The following MAP2K5 variants were observed in gnomAD, a reference collection of about 807,000 sequenced individuals.
MAP2K5 encodes the protein mitogen-activated protein kinase kinase 5.
Under a neutral mutation model 83.1 loss-of-function variants are expected in MAP2K5, and 49 were observed. That is an observed-to-expected ratio of 0.59 (90% CI 0.47 to 0.75). The LOEUF (loss-of-function observed/expected upper bound fraction) is 0.75. Ranked by LOEUF, MAP2K5 falls within the 30% of genes least tolerant of loss-of-function variation. MAP2K5 has a pLI of 0.00. For synonymous variants in MAP2K5, 202 were observed against 191.8 expected (o/e 1.05, Z -0.44); for missense variants, 457 against 557.5 (o/e 0.82, Z 1.82).
chr15:67,770,384 C>T lies in MAP2K5; in HGVS notation c.1196+721C>T, dbSNP rs1404542584. ...ATCATTCCCCTCTTCCCTCGTCCTG[C>T]AGGACTCATGTGGCCTTGGGAGGCC... On this transcript the variant is annotated intron_variant, in intron 20 of 21. Transcript: ENST00000178640. The surrounding 1 kb of genome is among the most constrained non-coding windows in gnomAD (Gnocchi z 5.0). Among the ~76,000 whole-genome samples, 2 of 152,210 alleles carry T rather than the reference C, an allele frequency of 1.3e-5. No individual in the cohort carries two copies. The highest frequency in any genetic ancestry group is 2.9e-5 in the Non-Finnish European group (2 of 68,044).
intron 8 of MAP2K5, chr15:67,628,499 A>T: frequency 1.4e-6 from 1 of 695,420 alleles, no homozygotes; most frequent in Non-Finnish European, 2.4e-6. Flanking sequence ...AAAAATAAAA[A>T]ATAAAAAAAA....
intron 4 of MAP2K5, among the ~76,000 whole-genome samples, chr15:67,585,093 A>AAT (rs1314833912): frequency 1.3e-5 from 2 of 151,738 alleles, no homozygotes; most frequent in Non-Finnish European, 2.9e-5. Flanking sequence ...AAAAAAAAAA[A>AAT]AATCAAATTA....
Position 67,543,345 on chromosome 15 carries a change from C to G in MAP2K5, c.10C>G (p.Leu4Val), listed in dbSNP as rs142550156. The G allele has an allele frequency of 6.2e-7, 1 of 1,614,224 alleles. No individual in the cohort carries two copies. The highest frequency in any genetic ancestry group is 1.1e-5 in the South Asian group (1 of 91,086). ...GCCTCTTTAACCTGTAATGCTGTGGCTAGCCCTTGGCCCCTTTCCTGCCAT... is the reference window on the plus strand; with the variant it reads ...GCCTCTTTAACCTGTAATGCTGTGGGTAGCCCTTGGCCCCTTTCCTGCCAT... The part of the protein sequence containing the change: MLW[L>V]ALGPFPAMEN... The change falls in exon 1 of 22, where the codon CTA (leucine) becomes GTA (valine). Residue 4 changes from leucine (L) to valine (V), a missense_variant. Leu to Val is a conservative substitution (Grantham distance 32, BLOSUM62 1). Around this residue, in one of 3 missense-constraint regions of MAP2K5, gnomAD observed 234 missense variants for 243.6 expected, o/e 0.96. Coordinates refer to ENST00000178640, the MANE Select transcript of MAP2K5 (RefSeq NM_145160.3). This position sits in a 1 kb window ranked among gnomAD's most constrained non-coding sequence, Gnocchi z 4.3.
rs1268750997 is a variant in MAP2K5 at position 67,676,239 on chromosome 15, T to C, written c.847+11594T>C. Among the ~76,000 whole-genome samples the C allele has an allele frequency of 6.6e-6, 1 of 152,176 alleles. No homozygotes were observed. Among genetic ancestry groups the C allele is most frequent in the Admixed American group, 6.5e-5 (1 of 15,276 alleles). ...CAGAGGGAGAGAGAGAGCACCTGTA[T>C]GATGAATGACAGGGTCATTTCTGTT... On this transcript the variant is annotated intron_variant, in intron 13 of 21. Coordinates refer to ENST00000178640, the MANE Select transcript of MAP2K5 (RefSeq NM_145160.3). This position sits in a 1 kb window ranked among gnomAD's most constrained non-coding sequence, Gnocchi z 4.8.
intron 15 of MAP2K5, among the ~76,000 whole-genome samples, chr15:67,695,917 A>G (rs1459854424): frequency 1.3e-5 from 2 of 152,200 alleles, no homozygotes; most frequent in Non-Finnish European, 2.9e-5. Flanking sequence ...TTCAAGCTAT[A>G]AAAAGCATAA....
Position 67,638,857 on chromosome 15 carries a change from C to G in MAP2K5, c.586-7374C>G, listed in dbSNP as rs187204193. 6.8e-4 allele frequency among the ~76,000 whole-genome samples: 104 copies of G among 152,208 alleles called. No homozygotes were observed. Among genetic ancestry groups the G allele is most frequent in the African/African-American group, 2.5e-3 (103 of 41,538 alleles). On this transcript the variant is annotated intron_variant, in intron 9 of 21. Transcript: ENST00000178640. The surrounding 1 kb of genome is among the most constrained non-coding windows in gnomAD (Gnocchi z 4.5). ...AGCGTTTTTCCATAGGATTGTTGGC[C>G]TCGTGTATATCTTCTTTTGAGAAGT...
intron 1 of MAP2K5, chr15:67,549,247 T>C: frequency 6.8e-7 from 1 of 1,465,582 alleles, no homozygotes; most frequent in South Asian, 1.2e-5. Context: ...TGTCTCAGTA[T>C]ACTAATTTTC....
chr15:67,671,835 CCA>C (rs1567350861), intron 13 of MAP2K5, among the ~76,000 whole-genome samples: 3 of 130,594 alleles, frequency 2.3e-5, no homozygotes, highest in African/African-American at 8.7e-5. Flanking sequence ...ACAACAGTCC[CCA>C]GAGTGTGATG....
At chr15:67,667,664 G>T (rs1314978972) in intron 13 of MAP2K5, among the ~76,000 whole-genome samples, 4 of 151,604 alleles carry the variant, frequency 2.6e-5, no homozygotes, top group Non-Finnish European at 5.9e-5. Flanking sequence ...AAAAAAAAAA[G>T]AAATTGCTTT....
intron 1 of MAP2K5, among the ~76,000 whole-genome samples, chr15:67,544,170 GGT>G (rs2084349621): frequency 6.6e-6 from 1 of 152,218 alleles, no homozygotes; most frequent in Non-Finnish European, 1.5e-5. Context: ...TGAGATTACA[GGT>G]GTGAGTTACT....
In MAP2K5 at chr15:67,781,746, G is replaced by A. The variant is rs4261478; in HGVS notation, c.1242+8994G>A. ...TGGAATTTTCAAATGTAACCCGATT[G>A]ACTCTTAATTGTTAGCCTGTGTGTG... On this transcript the variant is annotated intron_variant, in intron 21 of 21. Coordinates refer to ENST00000178640, the MANE Select transcript of MAP2K5 (RefSeq NM_145160.3). The surrounding 1 kb of genome is among the most constrained non-coding windows in gnomAD (Gnocchi z 4.0). Among the ~76,000 whole-genome samples, 59,916 of 151,984 alleles carry A rather than the reference G, an allele frequency of 0.39. 12,662 individuals carry two copies. The highest frequency in any genetic ancestry group is 0.7 in the East Asian group (3,613 of 5,170).
At chr15:67,744,901 A>G (rs1331337252) in intron 17 of MAP2K5, among the ~76,000 whole-genome samples, 1 of 152,230 alleles carries the variant, frequency 6.6e-6, no homozygotes, top group Non-Finnish European at 1.5e-5. Flanking sequence ...CCTAACTGGT[A>G]CTTGTGGCTG....
At chr15:67,689,350 A>C (rs1339651402) in intron 13 of MAP2K5, among the ~76,000 whole-genome samples, 1 of 152,230 alleles carries the variant, frequency 6.6e-6, no homozygotes, top group Admixed American at 6.5e-5. Context: ...AAATTCAAAG[A>C]AGATAGTGAC....
intron 1 of MAP2K5, chr15:67,546,195 C>T (rs2084385649): frequency 6.6e-6 from 1 of 152,266 alleles, no homozygotes; most frequent in Admixed American, 6.5e-5. Context: ...TTCATCTCTT[C>T]ATCAAGAAAA....
chr15:67,668,809 A>T lies in MAP2K5; in HGVS notation c.847+4164A>T, dbSNP rs563074905. On this transcript the variant is annotated intron_variant, in intron 13 of 21. Coordinates refer to ENST00000178640, the MANE Select transcript of MAP2K5 (RefSeq NM_145160.3). This position sits in a 1 kb window ranked among gnomAD's most constrained non-coding sequence, Gnocchi z 4.0. ...CTGGGGCCATCTTACACAGATGCAG[A>T]AGTTTATAGAAGAAAAAAAAAACCT... 1.3e-5 allele frequency among the ~76,000 whole-genome samples: 2 copies of T among 151,792 alleles called. No individual in the cohort carries two copies. The highest frequency in any genetic ancestry group is 4.9e-5 in the African/African-American group (2 of 41,210).
At chr15:67,654,826 C>T (rs192474710) in intron 11 of MAP2K5, among the ~76,000 whole-genome samples, 247 of 152,058 alleles carry the variant, frequency 1.6e-3, no homozygotes, top group Admixed American at 3.9e-3. Context: ...TTTGGGAGGC[C>T]GAGGTGCGCG....
At chr15:67,754,490 A>C (rs8030476) in intron 19 of MAP2K5, among the ~76,000 whole-genome samples, 2 of 152,098 alleles carry the variant, frequency 1.3e-5, no homozygotes, top group Non-Finnish European at 2.9e-5. Flanking sequence ...CCAGGTGCCG[A>C]GATAAATCCC....
chr15:67,759,989 T>C (rs150980322), intron 19 of MAP2K5, among the ~76,000 whole-genome samples: 2 of 152,374 alleles, frequency 1.3e-5, no homozygotes, highest in African/African-American at 4.8e-5. Context: ...GTTGGGAATA[T>C]ATAGTTGAGA....
At chr15:67,688,006 T>G (rs1048540044) in intron 13 of MAP2K5, among the ~76,000 whole-genome samples, 1 of 152,204 alleles carries the variant, frequency 6.6e-6, no homozygotes, top group Non-Finnish European at 1.5e-5. Context: ...GTATTGCTAC[T>G]GCATACTACG....
Sources: allele counts gnomAD v4.1 joint callset (sites outside exome capture counted in the v4.1 genomes callset), GRCh38; gene constraint gnomAD v4.1.1; regional missense constraint gnomAD v4.1.1; non-coding constraint Gnocchi (gnomAD v3.1); transcripts MANE v1.5; gene names NCBI Gene and HGNC (gene_info 2026-07-23, HGNC 2026-07-21).